The following SMYD3 variants were observed in gnomAD, a reference collection of about 807,000 sequenced individuals.
The protein encoded by SMYD3 is histone-lysine N-methyltransferase SMYD3.
A neutral mutation model predicts 57.7 loss-of-function variants in SMYD3; 36 were observed. The observed-to-expected ratio is 0.62, with a 90% CI of 0.48 to 0.82. The LOEUF is 0.82. Ranked by LOEUF, SMYD3 falls within the 40% of genes least tolerant of loss-of-function variation. The pLI is 0.00. For missense variants in SMYD3, 515 were observed against 538.8 expected, an observed-to-expected ratio of 0.96 and a Z score of 0.44; for synonymous variants, 211 against 195.0, an observed-to-expected ratio of 1.08 and a Z score of -0.68.
intron 5 of SMYD3, among the ~76,000 whole-genome samples, chr1:246,104,940 G>C (rs1407972743): frequency 6.6e-6 from 1 of 152,162 alleles, no homozygotes; most frequent in African/African-American, 2.4e-5. Context: ...CAGCAACAGG[G>C]GGAAAGAGAT....
At chr1:246,130,194 T>G (rs2061567030) in intron 5 of SMYD3, among the ~76,000 whole-genome samples, 1 of 152,168 alleles carries the variant, frequency 6.6e-6, no homozygotes, top group Non-Finnish European at 1.5e-5. Flanking sequence ...ACTCTTCACC[T>G]TGAGAGGCTA....
chr1:246,323,026 C>CA (rs1424301671), intron 5 of SMYD3, among the ~76,000 whole-genome samples: 1 of 152,198 alleles, frequency 6.6e-6, no homozygotes, highest in Non-Finnish European at 1.5e-5. Context: ...CCTCACTCCC[C>CA]AACAGCATTT....
chr1:246,441,461 A>G (rs2067460971), intron 1 of SMYD3, among the ~76,000 whole-genome samples: 1 of 152,238 alleles, frequency 6.6e-6, no homozygotes, highest in Non-Finnish European at 1.5e-5. Context: ...ATTACCTGTT[A>G]CTGCCAGGTC....
intron 5 of SMYD3, among the ~76,000 whole-genome samples, chr1:246,017,610 C>T (rs757343598): frequency 6.6e-5 from 10 of 152,134 alleles, no homozygotes; most frequent in Non-Finnish European, 1.0e-4. Flanking sequence ...TATCCTATCA[C>T]GTGGTACATA....
intron 5 of SMYD3, among the ~76,000 whole-genome samples, chr1:246,036,529 TTC>T (rs1475628044): frequency 1.8e-5 from 2 of 113,884 alleles, no homozygotes; most frequent in Admixed American, 1.6e-4. Flanking sequence ...CTCTGTACTC[TTC>T]TTTCTCTCTT....
At chr1:246,046,246 C>T (rs1440191679) in intron 5 of SMYD3, among the ~76,000 whole-genome samples, 1 of 152,030 alleles carries the variant, frequency 6.6e-6, no homozygotes, top group Non-Finnish European at 1.5e-5. Context: ...CAATGATAGA[C>T]TAGATTAAGA....
At chr1:245,939,415 G>C (rs1265919125) in intron 5 of SMYD3, among the ~76,000 whole-genome samples, 1 of 152,064 alleles carries the variant, frequency 6.6e-6, no homozygotes, top group Non-Finnish European at 1.5e-5. Context: ...CACGAGGTCA[G>C]GAGATCGAGA....
intron 5 of SMYD3, among the ~76,000 whole-genome samples, chr1:246,123,170 A>G (rs6659941): frequency 0.08 from 12,239 of 152,216 alleles, 978 homozygotes; most frequent in African/African-American, 0.19. Flanking sequence ...CACCTTTCAA[A>G]AAATGAGCTG....
intron 5 of SMYD3, among the ~76,000 whole-genome samples, chr1:246,000,590 T>C (rs987036974): frequency 2.0e-5 from 3 of 152,172 alleles, no homozygotes; most frequent in African/African-American, 7.2e-5. Flanking sequence ...ACAGGACTTC[T>C]CTCTGTTTCC....
chr1:246,491,731 G>A (rs571651185), intron 1 of SMYD3, among the ~76,000 whole-genome samples: 1 of 152,314 alleles, frequency 6.6e-6, no homozygotes, highest in East Asian at 1.9e-4. Context: ...CCTCTAGAGA[G>A]GAGCTGCAGG....
At chr1:246,430,088 G>C (rs2067274969) in intron 1 of SMYD3, among the ~76,000 whole-genome samples, 1 of 102,314 alleles carries the variant, frequency 9.8e-6, no homozygotes, top group Non-Finnish European at 2.0e-5. Flanking sequence ...AATCATACGA[G>C]AAACGGTAAC....
intron 8 of SMYD3, among the ~76,000 whole-genome samples, chr1:245,912,526 A>G (rs2147759595): frequency 6.6e-6 from 1 of 152,284 alleles, no homozygotes; most frequent in South Asian, 2.1e-4. Context: ...ACATGAAAAC[A>G]CAAAAGACCC....
In SMYD3 at chr1:245,901,460, G is replaced by A. The variant is rs140363767; in HGVS notation, c.813+14070C>T. 1.2e-3 allele frequency among the ~76,000 whole-genome samples: 182 copies of A among 152,310 alleles called. 3 individuals carry two copies. The East Asian group carries it at 0.033, about 27-fold the overall frequency. Reference sequence around the variant, plus strand: ...ACATGAAAAAGGTATATGAGTAACAGAAGAAAAGTCCATTCATTATCTTCA... The same window carrying A: ...ACATGAAAAAGGTATATGAGTAACAAAAGAAAAGTCCATTCATTATCTTCA... On this transcript the variant is annotated intron_variant, in intron 8 of 11. Transcript: ENST00000490107.
intron 10 of SMYD3, among the ~76,000 whole-genome samples, chr1:245,807,901 T>C (rs773948666): frequency 9.9e-5 from 15 of 152,028 alleles, no homozygotes; most frequent in South Asian, 4.1e-4. Flanking sequence ...TTAAGCTGAA[T>C]AGCATGAGAT....
At chr1:245,949,764 G>T (rs2057554322) in intron 5 of SMYD3, among the ~76,000 whole-genome samples, 1 of 152,028 alleles carries the variant, frequency 6.6e-6, no homozygotes, top group Non-Finnish European at 1.5e-5. Flanking sequence ...AGCCAAGATT[G>T]TACCACTGGA....
intron 5 of SMYD3, among the ~76,000 whole-genome samples, chr1:246,067,833 C>T (rs2060368809): frequency 6.6e-6 from 1 of 152,118 alleles, no homozygotes; most frequent in Non-Finnish European, 1.5e-5. Flanking sequence ...TGTATGTGCA[C>T]CAAGGCCGGG....
chr1:245,996,573 C>T (rs2058935726), intron 5 of SMYD3, among the ~76,000 whole-genome samples: 1 of 152,192 alleles, frequency 6.6e-6, no homozygotes, highest in South Asian at 2.1e-4. Context: ...GACTACTAGG[C>T]ACAGAGTAAA....
intron 1 of SMYD3, among the ~76,000 whole-genome samples, chr1:246,375,738 T>C (rs2066265463): frequency 6.6e-6 from 1 of 152,106 alleles, no homozygotes; most frequent in Non-Finnish European, 1.5e-5. Context: ...GTTGTTTTTG[T>C]TTTTGTTTTG....
At chr1:246,297,199 C>G (rs1194741182) in intron 5 of SMYD3, among the ~76,000 whole-genome samples, 2 of 152,058 alleles carry the variant, frequency 1.3e-5, no homozygotes, top group Non-Finnish European at 2.9e-5. Context: ...AAACAAGGAC[C>G]ATCTTTGAGA....
Sources: allele counts gnomAD v4.1 joint callset (sites outside exome capture counted in the v4.1 genomes callset), GRCh38; gene constraint gnomAD v4.1.1; transcripts MANE v1.5; gene names NCBI Gene and HGNC (gene_info 2026-07-23, HGNC 2026-07-21).